The following TTC21A variants were observed in gnomAD, a reference collection of about 807,000 sequenced individuals.
TTC21A encodes the protein tetratricopeptide repeat domain 21A.
TTC21A carries 128 observed loss-of-function variants against 156.4 expected under a neutral mutation model. The observed-to-expected ratio is 0.82, with a 90% CI of 0.71 to 0.95. TTC21A has a LOEUF of 0.95. TTC21A is among the 40% of genes least tolerant of loss of function. The probability of loss-of-function intolerance (pLI) is 0.00; values close to 1 mark genes in which losing one functional copy is unlikely to be tolerated. For missense variants in TTC21A, 1,435 were observed against 1,602.3 expected (o/e 0.90, Z 1.78); for synonymous variants, 587 against 617.1 (o/e 0.95, Z 0.72).
chr3:39,110,036 C>T lies in TTC21A; in HGVS notation c.165C>T (p.Ile55=), dbSNP rs749050612. Residue 55 remains isoleucine (I), a synonymous_variant, in exon 3 of 29, where the codon ATC becomes ATT. Transcript: ENST00000683103. ...KAYGVLKEEH[I]QDAISDLESI... is the part of the protein sequence containing the mutation. Reference sequence around the variant, plus strand: ...TGTGGACTGTCTTTGCAGAGCACATCCAGGATGCCATCAGTGACCTGGAAA... The same window carrying T: ...TGTGGACTGTCTTTGCAGAGCACATTCAGGATGCCATCAGTGACCTGGAAA... 4.3e-6 allele frequency: 7 copies of T among 1,613,178 alleles called. No homozygotes were observed. Among genetic ancestry groups the T allele is most frequent in the African/African-American group, 1.3e-5 (1 of 74,918 alleles).
rs1270416494 is a variant in TTC21A at position 39,130,180 on chromosome 3, A to C, written c.2208+29A>C. ...AGTGAGAGGCCTCACAGCCTTGCCA[A>C]GTGGCCCCCCAGTCTCCCTTCTCCA... On this transcript the variant is annotated intron_variant, in intron 16 of 28. Transcript: ENST00000683103. The surrounding 1 kb of genome is among the most constrained non-coding windows in gnomAD (Gnocchi z 4.5). 46 of 1,612,954 alleles carry C rather than the reference A, an allele frequency of 2.9e-5. No homozygotes were observed. The highest frequency in any genetic ancestry group is 3.8e-5 in the Non-Finnish European group (45 of 1,179,382).
Position 39,130,484 on chromosome 3 carries a change from G to A in TTC21A, c.2319+126G>A. ...CTGACTTTTCACTCAGCTCCTTGCT[G>A]AATGGGGTGCCAAGGGGAGAACTCA... is the stretch of plus-strand genomic sequence containing the variant. On this transcript the variant is annotated intron_variant, in intron 17 of 28. Coordinates refer to ENST00000683103, the MANE Select transcript of TTC21A (RefSeq NM_001366900.1). This position sits in a 1 kb window ranked among gnomAD's most constrained non-coding sequence, Gnocchi z 4.5. 1.1e-6 allele frequency: 1 copy of A among 946,214 alleles called. No homozygotes were observed. 58.6% of individuals were successfully genotyped at this position (946,214 alleles called of 1,614,324 possible).
In TTC21A at chr3:39,125,369, A is replaced by G; in HGVS notation, c.1229A>G (p.Lys410Arg). Residue 410 changes from lysine to arginine, a missense_variant, in exon 11 of 29, where the codon AAG becomes AGG. Physicochemically the swap from Lys to Arg is conservative, Grantham distance 26. Coordinates refer to ENST00000683103, the MANE Select transcript of TTC21A (RefSeq NM_001366900.1). The part of the protein sequence containing the change: ...IFLQALLMSR[K>R]HKGEEETTAL... ...CTCCAAGCCCTCCTGATGTCCAGGA[A>G]GCACAAGGGGGAGGAAGAGACCACA... The G allele has an allele frequency of 6.2e-7, 1 of 1,614,178 alleles. No homozygotes were observed. Among genetic ancestry groups the G allele is most frequent in the Middle Eastern group, 1.7e-4 (1 of 6,056 alleles).
chr3:39,137,106 A>G (rs1211689559), intron 24 of TTC21A, 46 bp downstream of exon 24: 1 of 1,603,996 alleles, frequency 6.2e-7, no homozygotes, highest in Non-Finnish European at 8.5e-7. Context: ...GAAGTTACAG[A>G]AAGCCTGCAA....
rs2039237036 is a variant in TTC21A, at chr3:39,137,667, A to T, written c.3632A>T (p.Asp1211Val). 1.9e-6 allele frequency: 3 copies of T among 1,613,870 alleles called. No homozygotes were observed. The East Asian group carries it at 6.7e-5, about 36-fold the overall frequency. Residue 1211 changes from aspartate to valine, a missense_variant, in exon 26 of 29, where the codon GAC becomes GTC. Coordinates refer to ENST00000683103, the MANE Select transcript of TTC21A (RefSeq NM_001366900.1). Reference protein sequence around the residue: ...ADIYCQGSKFDLALELLRRCV... With the variant: ...ADIYCQGSKFVLALELLRRCV... ...ATTTACTGCCAGGGCAGCAAGTTCG[A>T]CCTCGCCTTAGAACTGCTGCGGCGC...
At chr3:39,116,904 C>T (rs190433681) in intron 6 of TTC21A, among the ~76,000 whole-genome samples, 13 of 152,208 alleles carry the variant, frequency 8.5e-5, no homozygotes, top group Non-Finnish European at 1.3e-4. Context: ...GATGGGATCT[C>T]ACTGTGTTGC....
intron 23 of TTC21A, 119 bp downstream of exon 23, chr3:39,136,626 C>T (rs1461953829): frequency 7.6e-7 from 1 of 1,314,720 alleles, no homozygotes; most frequent in African/African-American, 1.5e-5. Flanking sequence ...CACCCGGACC[C>T]AGCAAGTGAG....
rs374928901 is a variant in TTC21A, at chr3:39,137,238, G to T, written c.3301G>T (p.Ala1101Ser). The T allele has an allele frequency of 2.0e-5, 32 of 1,614,018 alleles. No homozygotes were observed. The Admixed American group carries it at 5.3e-4, about 27-fold the overall frequency. The change falls in exon 25 of 29, where the codon GCC becomes TCC. Residue 1101 changes from alanine (A) to serine (S), a missense_variant. Transcript: ENST00000683103. ...GTTGGAGCAGCAGGGTGTGAGCACC[G>T]CCGAGAAACTGCTGCGTGAGTTTTA... is the stretch of plus-strand genomic sequence containing the variant. ...KELEQQGVSTAEKLLREFYPH... is the reference protein window; with the variant it reads ...KELEQQGVSTSEKLLREFYPH...
rs751978321 is a variant in TTC21A, at chr3:39,130,704, A to G, written c.2323A>G (p.Ile775Val). Residue 775 changes from isoleucine (I) to valine (V), a missense_variant, in exon 18 of 29, where the codon ATT becomes GTT. By Grantham distance (29) the Ile-to-Val change is conservative. Transcript: ENST00000683103. This position sits in a 1 kb window ranked among gnomAD's most constrained non-coding sequence, Gnocchi z 4.5. ...YVKAHQYTEA[I>V]EYYEAAQKIN... ...AATATTTACTGTTTGCACTAAGGCA[A>G]TTGAGTATTATGAGGCTGCCCAGAA... The G allele has an allele frequency of 6.2e-7, 1 of 1,614,096 alleles. No homozygotes were observed. The highest frequency in any genetic ancestry group is 1.3e-5 in the African/African-American group (1 of 74,944).
chr3:39,118,811 A>C (rs2037503785), intron 7 of TTC21A: 1 of 152,932 alleles, frequency 6.5e-6, no homozygotes, highest in Admixed American at 6.5e-5. Context: ...AGATCAGTGA[A>C]ATATATTGCC....
rs373627662 is a variant in TTC21A, at chr3:39,118,161, C to T, written c.801+8C>T. The T allele has an allele frequency of 5.6e-6, 9 of 1,613,658 alleles. No homozygotes were observed. In the African/African-American group the frequency reaches 1.2e-4, roughly 22 times the overall value. Reference sequence around the variant, plus strand: ...GAAGGAAACATGACCACAGTAAGTTCTTTGAAGACTCAGAAGGTGATCCTT... The same window carrying T: ...GAAGGAAACATGACCACAGTAAGTTTTTTGAAGACTCAGAAGGTGATCCTT... On this transcript the variant is annotated splice_region_variant and intron_variant, in intron 7 of 28. Transcript: ENST00000683103.
rs2038967012 is a variant in TTC21A at position 39,134,478 on chromosome 3, T to C, written c.2862+150T>C. 1.4e-6 allele frequency: 1 copy of C among 718,586 alleles called. No homozygotes were observed. Among genetic ancestry groups the C allele is most frequent in the Non-Finnish European group, 2.6e-6 (1 of 392,098 alleles). The allele number at this position is 718,586 out of a possible 1,614,324, so 44.5% of individuals were successfully genotyped here. A position where few individuals can be genotyped will look rare whatever the true frequency, so the allele number is the denominator to read the frequency against. On this transcript the variant is annotated intron_variant, in intron 21 of 28. Transcript: ENST00000683103. This position sits in a 1 kb window ranked among gnomAD's most constrained non-coding sequence, Gnocchi z 4.6. ...CTGTCGGGCAGAGAGGACTCAGTGCTGCACCTACTCTGCCCTTTAGCCGGA... is the reference window on the plus strand; with the variant it reads ...CTGTCGGGCAGAGAGGACTCAGTGCCGCACCTACTCTGCCCTTTAGCCGGA...
Position 39,114,707 on chromosome 3 carries a change from G to T in TTC21A, c.681G>T (p.Arg227=). 1 of 1,614,228 alleles carries T rather than the reference G, an allele frequency of 6.2e-7. No individual in the cohort carries two copies. The part of the protein sequence containing the change: ...LVLKMQLFLA[R]QDWEQTVEMG... Reference sequence around the variant, plus strand: ...TGAAGATGCAGCTGTTCTTAGCTCGGCAGGACTGGGAGCAGACAGTAGAAA... The same window carrying T: ...TGAAGATGCAGCTGTTCTTAGCTCGTCAGGACTGGGAGCAGACAGTAGAAA... Residue 227 remains arginine, a synonymous_variant, in exon 6 of 29, where the codon CGG becomes CGT. Transcript: ENST00000683103.
chr3:39,134,084 C>G lies in TTC21A; in HGVS notation c.2752-134C>G. 1.4e-6 allele frequency: 1 copy of G among 706,026 alleles called. No individual in the cohort carries two copies. The highest frequency in any genetic ancestry group is 1.6e-5 in the South Asian group (1 of 62,342). The allele number at this position is 706,026 out of a possible 1,614,324, so 43.7% of individuals were successfully genotyped here. A position where few individuals can be genotyped will look rare whatever the true frequency, so the allele number is the denominator to read the frequency against. ...GAGAAGGGGAAGGCCAGGACGTTCA[C>G]GTGGGGAATTCGAGACATATTTTGA... On this transcript the variant is annotated intron_variant, in intron 20 of 28. Transcript: ENST00000683103. The surrounding 1 kb of genome is among the most constrained non-coding windows in gnomAD (Gnocchi z 4.6).
chr3:39,116,798 C>T (rs1403500861), intron 6 of TTC21A, among the ~76,000 whole-genome samples: 1 of 152,156 alleles, frequency 6.6e-6, no homozygotes, highest in African/African-American at 2.4e-5. Flanking sequence ...TTTTTATTTC[C>T]TACCAACTGC....
At position 39,136,405 on chromosome 3, in the gene TTC21A, G is replaced by A. The variant is rs2039118560; in HGVS notation, c.2993G>A (p.Gly998Glu). The change falls in exon 23 of 29, where the codon GGA becomes GAA. Residue 998 changes from glycine to glutamate, a missense_variant. Physicochemically the swap from Gly to Glu is moderately conservative, Grantham distance 98. Transcript: ENST00000683103. ...TTAATCGATCTGCTAAGAAGAAGTG[G>A]AAAACTTGAAGACATTCCTGCCTTC... ...HKLIDLLRRS[G>E]KLEDIPAFFE... 3 of 1,614,146 alleles carry A rather than the reference G, an allele frequency of 1.9e-6. No homozygotes were observed. Among genetic ancestry groups the A allele is most frequent in the South Asian group, 1.1e-5 (1 of 91,070 alleles).
Position 39,129,022 on chromosome 3 carries a change from C to G in TTC21A, c.1897-50C>G, listed in dbSNP as rs143832892. On this transcript the variant is annotated intron_variant, in intron 14 of 28. Coordinates refer to ENST00000683103, the MANE Select transcript of TTC21A (RefSeq NM_001366900.1). The stretch of plus-strand genomic sequence containing the variant: ...GAACCAGGTTCTTTGATTCCACCCA[C>G]TGTTTACTTGTGCATCAAGTGAAGG... 5.6e-6 allele frequency: 9 copies of G among 1,609,070 alleles called. No individual in the cohort carries two copies. In the East Asian group the frequency reaches 2.0e-4, roughly 36 times the overall value.
At chr3:39,116,831 T>C (rs2037331712) in intron 6 of TTC21A, among the ~76,000 whole-genome samples, 1 of 152,218 alleles carries the variant, frequency 6.6e-6, no homozygotes, top group African/African-American at 2.4e-5. Context: ...TATTTTGCTA[T>C]TGTATTCTAA....
intron 9 of TTC21A, among the ~76,000 whole-genome samples, chr3:39,123,543 A>G (rs952794870): frequency 2.0e-5 from 3 of 152,208 alleles, no homozygotes; most frequent in Non-Finnish European, 4.4e-5. Context: ...GTAAGTTCTC[A>G]TCTTACACCA....
Sources: allele counts gnomAD v4.1 joint callset (sites outside exome capture counted in the v4.1 genomes callset), GRCh38; gene constraint gnomAD v4.1.1; non-coding constraint Gnocchi (gnomAD v3.1); transcripts MANE v1.5; gene names NCBI Gene and HGNC (gene_info 2026-07-23, HGNC 2026-07-21).